Variants in VWF observed in about 807,000 individuals in gnomAD.
The protein encoded by VWF is Factor VIII related antigen.
In VWF, 176 loss-of-function variants were observed where a neutral mutation model predicts 308.6. The observed-to-expected ratio is 0.57, with a 90% CI of 0.50 to 0.65. The LOEUF (loss-of-function observed/expected upper bound fraction) is 0.65. VWF is among the 30% of genes least tolerant of loss of function. VWF has a pLI of 0.00. For synonymous variants in VWF, 1,385 were observed against 1,443.4 expected, an observed-to-expected ratio of 0.96 and a Z score of 0.92; for missense variants, 3,146 against 3,648.2, an observed-to-expected ratio of 0.86 and a Z score of 3.55.
intron 47 of VWF, among the ~76,000 whole-genome samples, chr12:5,955,724 A>T (rs1010978050): frequency 1.1e-4 from 17 of 152,218 alleles, no homozygotes; most frequent in African/African-American, 4.1e-4. Context: ...AGAGGAAATG[A>T]CAGATATAAT....
At chr12:6,044,602 C>T (rs1312703318) in intron 17 of VWF, 151 bp from the exon 18 acceptor site, 1 of 980,176 alleles carries the variant, frequency 1.0e-6, no homozygotes, top group African/African-American at 1.6e-5. Context: ...GAGCCAGGGT[C>T]CCTGTGTGGG....
chr12:6,075,486 C>T lies in VWF; in HGVS notation c.723G>A (p.Val241=), dbSNP rs769621986. The change falls in exon 7 of 52, where the codon GTG becomes GTA. Residue 241 remains valine, a synonymous_variant. Transcript: ENST00000261405. This position sits in a 1 kb window ranked among gnomAD's most constrained non-coding sequence, Gnocchi z 4.7. The part of the protein sequence containing the change: ...TSVFARCHPL[V]DPEPFVALCE... ...ACAGGGCCACAAAAGGCTCGGGGTC[C>T]ACCAGAGGGTGGCAGCGGGCAAACA... 6.2e-7 allele frequency: 1 copy of T among 1,614,224 alleles called. No homozygotes were observed. Among genetic ancestry groups the T allele is most frequent in the Non-Finnish European group, 8.5e-7 (1 of 1,180,040 alleles).
At chr12:6,008,471 C>A (rs1943955588) in intron 34 of VWF, among the ~76,000 whole-genome samples, 1 of 152,116 alleles carries the variant, frequency 6.6e-6, no homozygotes, top group Admixed American at 6.6e-5. Context: ...AATTCAAACA[C>A]CATTTCATGA....
At chr12:6,062,111 A>G (rs576143816) in intron 13 of VWF, among the ~76,000 whole-genome samples, 1 of 152,352 alleles carries the variant, frequency 6.6e-6, no homozygotes, top group Non-Finnish European at 1.5e-5. Flanking sequence ...AATCTGATAA[A>G]TACCAATAAA....
chr12:6,095,727 G>C (rs1945098835), intron 5 of VWF, 143 bp from the exon 6 acceptor site: 2 of 1,163,594 alleles, frequency 1.7e-6, no homozygotes, highest in Non-Finnish European at 2.5e-6. Context: ...TGTTTCCCAG[G>C]CTGGAGTGCA....
At position 6,031,508 on chromosome 12, in the gene VWF, A is replaced by G. The variant is rs1172210024; in HGVS notation, c.2756T>C (p.Val919Ala). 1.2e-6 allele frequency: 2 copies of G among 1,613,880 alleles called. No individual in the cohort carries two copies. Among genetic ancestry groups the G allele is most frequent in the Non-Finnish European group, 1.7e-6 (2 of 1,179,994 alleles). Residue 919 changes from valine to alanine, a missense_variant, in exon 21 of 52, where the codon GTG (valine) becomes GCG (alanine). This residue lies in a region of VWF where 1,304 missense variants were observed against 1,353.0 expected (regional missense o/e 0.96). Coordinates refer to ENST00000261405, the MANE Select transcript of VWF (RefSeq NM_000552.5). ...VGNKGCSHPS[V>A]KCKKRVTILV... is the part of the protein sequence containing the mutation. ...GATGGTGACCCGTTTCTTGCATTTC[A>G]CTGAGGGGTGGCTGCATCCCTTATT...
intron 50 of VWF, among the ~76,000 whole-genome samples, chr12:5,951,530 G>T (rs1943190885): frequency 6.6e-6 from 1 of 152,192 alleles, no homozygotes; most frequent in Non-Finnish European, 1.5e-5. Flanking sequence ...AGCAATCAAA[G>T]ATCCTATGAG....
chr12:6,039,291 CCTA>C (rs1478562753), intron 18 of VWF, among the ~76,000 whole-genome samples: 4 of 152,202 alleles, frequency 2.6e-5, no homozygotes, highest in African/African-American at 9.7e-5. Context: ...AGAACGTGGT[CCTA>C]CGTGTTGGTC....
At chr12:5,972,602 C>T (rs1217420878) in intron 43 of VWF, among the ~76,000 whole-genome samples, 1 of 152,160 alleles carries the variant, frequency 6.6e-6, no homozygotes, top group Non-Finnish European at 1.5e-5. Context: ...ACGTGTGCCT[C>T]TCTCTGGACG....
chr12:5,985,641 G>A lies in VWF; in HGVS notation c.6823C>T (p.His2275Tyr). 1 of 1,614,122 alleles carries A rather than the reference G, an allele frequency of 6.2e-7. No homozygotes were observed. The highest frequency in any genetic ancestry group is 8.5e-7 in the Non-Finnish European group (1 of 1,180,038). Residue 2275 changes from histidine (H) to tyrosine (Y), a missense_variant, in exon 39 of 52, where the codon CAC becomes TAC. This residue lies in a region of VWF where 989 missense variants were observed against 1,117.4 expected (regional missense o/e 0.89). Transcript: ENST00000261405. Reference sequence around the variant, plus strand: ...CATGTGCAGATCTGACAGGGCTGGTGGTCCGGGACCCAGGCTTCCAGGAAC... The same window carrying A: ...CATGTGCAGATCTGACAGGGCTGGTAGTCCGGGACCCAGGCTTCCAGGAAC... ...HQFLEAWVPD[H>Y]QPCQICTCLS...
At chr12:5,968,286 G>A (rs1943428746) in intron 45 of VWF, 119 bp from the exon 46 acceptor site, 18 of 1,287,940 alleles carry the variant, frequency 1.4e-5, no homozygotes, top group East Asian at 2.5e-5. Flanking sequence ...TGTATCGGTC[G>A]GCCCTTTCCC....
At chr12:5,966,025 C>A (rs1385052925) in intron 47 of VWF, among the ~76,000 whole-genome samples, 1 of 152,208 alleles carries the variant, frequency 6.6e-6, no homozygotes, top group African/African-American at 2.4e-5. Context: ...TCTCCAGATA[C>A]GGAGGAAGCG....
chr12:6,008,393 A>C (rs1309656134), intron 34 of VWF, among the ~76,000 whole-genome samples: 1 of 152,210 alleles, frequency 6.6e-6, no homozygotes, highest in East Asian at 1.9e-4. Context: ...GGTGATACAT[A>C]GCATTAACAG....
intron 34 of VWF, among the ~76,000 whole-genome samples, chr12:6,006,161 T>G (rs1268867381): frequency 2.0e-5 from 3 of 152,132 alleles, no homozygotes; most frequent in African/African-American, 4.8e-5. Flanking sequence ...CAATTGAAAT[T>G]AAGTTGTTAT....
rs750669013 is a variant in VWF at position 6,121,202 on chromosome 12, G to A, written c.192C>T (p.Gly64=). The part of the protein sequence containing the change: ...AGYCSYLLAG[G]CQKRSFSIIG... ...TAATCGAGAAGGAGCGTTTCTGGCA[G>A]CCCCCTGCCAGGAGGTAACTGCAGT... is the stretch of plus-strand genomic sequence containing the variant. Residue 64 remains glycine, a synonymous_variant, in exon 3 of 52, where the codon GGC becomes GGT. Coordinates refer to ENST00000261405, the MANE Select transcript of VWF (RefSeq NM_000552.5). The A allele has an allele frequency of 2.5e-6, 4 of 1,614,210 alleles. No individual in the cohort carries two copies. The highest frequency in any genetic ancestry group is 3.4e-6 in the Non-Finnish European group (4 of 1,180,038).
intron 6 of VWF, among the ~76,000 whole-genome samples, chr12:6,087,449 C>G (rs920129817): frequency 4.1e-5 from 6 of 147,540 alleles, no homozygotes; most frequent in Non-Finnish European, 8.9e-5. Flanking sequence ...AGCTTCGCCT[C>G]CCGGGTTCAC....
intron 10 of VWF, among the ~76,000 whole-genome samples, chr12:6,070,093 G>A (rs749334360): frequency 6.6e-5 from 10 of 152,252 alleles, no homozygotes; most frequent in Non-Finnish European, 1.3e-4. Context: ...GTTTTCACAG[G>A]TTAATTGCAG....
At chr12:6,097,242 C>T (rs1312594567) in intron 5 of VWF, among the ~76,000 whole-genome samples, 1 of 152,092 alleles carries the variant, frequency 6.6e-6, no homozygotes, top group Non-Finnish European at 1.5e-5. Context: ...CAAGACCATC[C>T]TGGCCAAGAT....
Position 5,969,276 on chromosome 12 carries a change from G to C in VWF, c.7664C>G (p.Pro2555Arg), listed in dbSNP as rs915754316. 1.2e-6 allele frequency: 2 copies of C among 1,614,204 alleles called. No homozygotes were observed. The highest frequency in any genetic ancestry group is 1.7e-6 in the Non-Finnish European group (2 of 1,180,038). Residue 2555 changes from proline to arginine, a missense_variant, in exon 45 of 52, where the codon CCT becomes CGT. By Grantham distance (103) the Pro-to-Arg change is moderately radical (BLOSUM62 -2). This residue lies in a region of VWF where 989 missense variants were observed against 1,117.4 expected (regional missense o/e 0.89). Coordinates refer to ENST00000261405, the MANE Select transcript of VWF (RefSeq NM_000552.5). The part of the protein sequence containing the change: ...RNVSCPQLEV[P>R]VCPSGFQLSC... The stretch of plus-strand genomic sequence containing the variant: ...CAGCTGAAAGCCCGAGGGGCAGACA[G>C]GGACCTCCAGCTGGGGGCAGGAGAC...
Sources: allele counts gnomAD v4.1 joint callset (sites outside exome capture counted in the v4.1 genomes callset), GRCh38; gene constraint gnomAD v4.1.1; regional missense constraint gnomAD v4.1.1; non-coding constraint Gnocchi (gnomAD v3.1); transcripts MANE v1.5; gene names NCBI Gene and HGNC (gene_info 2026-07-23, HGNC 2026-07-21).